The following SLC8A1 variants were observed in gnomAD, a reference collection of about 807,000 sequenced individuals.
SLC8A1 encodes solute carrier family 8 member A1, also known as sodium/calcium exchanger 1.
In SLC8A1, 18 loss-of-function variants were observed where a neutral mutation model predicts 68.3. The observed-to-expected ratio is 0.26, with a 90% CI of 0.18 to 0.39. The LOEUF (loss-of-function observed/expected upper bound fraction) is 0.39. SLC8A1 is among the 10% of genes least tolerant of loss of function. The pLI is 1.00. For missense variants in SLC8A1, 985 were observed against 1,156.7 expected, an observed-to-expected ratio of 0.85 and a Z score of 2.15; for synonymous variants, 475 against 415.5, an observed-to-expected ratio of 1.14 and a Z score of -1.74.
intron 2 of SLC8A1, among the ~76,000 whole-genome samples, chr2:40,258,099 C>T (rs1244601640): frequency 6.6e-6 from 1 of 152,050 alleles, no homozygotes; most frequent in Non-Finnish European, 1.5e-5. Flanking sequence ...TGTTATTATC[C>T]CCTGCACAGG....
rs535951270 is a variant in SLC8A1 at position 40,310,380 on chromosome 2, T to C, written c.1808+118093A>G. The stretch of plus-strand genomic sequence containing the variant: ...GCAAGAAACAGGTCATAATTGAGAA[T>C]TGAGGAAAGAAAGTGCAAGACAAAG... On this transcript the variant is annotated intron_variant, in intron 2 of 7. Transcript: ENST00000406785. Among the ~76,000 whole-genome samples the C allele has an allele frequency of 9.2e-5, 14 of 152,188 alleles. No homozygotes were observed. In the South Asian group the frequency reaches 2.1e-3, roughly 23 times the overall value.
At chr2:40,200,680 A>G (rs2054194432) in intron 2 of SLC8A1, among the ~76,000 whole-genome samples, 1 of 151,754 alleles carries the variant, frequency 6.6e-6, no homozygotes, top group Admixed American at 6.6e-5. Context: ...GGATTCTAAT[A>G]GTAAAAGGCC....
At chr2:40,261,836 T>G (rs746213233) in intron 2 of SLC8A1, among the ~76,000 whole-genome samples, 1 of 152,230 alleles carries the variant, frequency 6.6e-6, no homozygotes, top group Non-Finnish European at 1.5e-5. Flanking sequence ...GGGAAGGATT[T>G]TGGGTAAGAC....
intron 5 of SLC8A1, 120 bp downstream of exon 8, chr2:40,164,734 C>T: frequency 7.5e-7 from 1 of 1,336,024 alleles, no homozygotes; most frequent in Non-Finnish European, 1.0e-6. Context: ...ATTCACAAGC[C>T]AGTTCCTGAA....
At chr2:40,407,865 G>A (rs1690868992) in intron 2 of SLC8A1, among the ~76,000 whole-genome samples, 1 of 152,154 alleles carries the variant, frequency 6.6e-6, no homozygotes, top group African/African-American at 2.4e-5. Flanking sequence ...TCTTTACAAG[G>A]AGCCAGCCTC....
intron 2 of SLC8A1, among the ~76,000 whole-genome samples, chr2:40,406,999 C>T (rs995023841): frequency 6.6e-6 from 1 of 152,062 alleles, no homozygotes; most frequent in Admixed American, 6.6e-5. Context: ...GAGGACTAGG[C>T]TTACCAGGTT....
intron 7 of SLC8A1, chr2:40,118,386 C>T (rs935938537): frequency 1.3e-5 from 2 of 152,108 alleles, no homozygotes; most frequent in African/African-American, 4.8e-5. Flanking sequence ...TTTACTGTAT[C>T]AGGAGAACAA....
chr2:40,440,212 T>A (rs147362260), intron 1 of SLC8A1, among the ~76,000 whole-genome samples: 1 of 152,192 alleles, frequency 6.6e-6, no homozygotes, highest in African/African-American at 2.4e-5. Context: ...TTGGCTTAAG[T>A]GGTATGGTTT....
intron 2 of SLC8A1, among the ~76,000 whole-genome samples, chr2:40,414,024 A>G (rs993884452): frequency 3.3e-5 from 5 of 152,178 alleles, no homozygotes; most frequent in Non-Finnish European, 5.9e-5. Flanking sequence ...ATGTAAGAGA[A>G]TAACCTAACA....
chr2:40,310,597 T>C (rs1311519305), intron 2 of SLC8A1, among the ~76,000 whole-genome samples: 2 of 152,166 alleles, frequency 1.3e-5, no homozygotes, highest in African/African-American at 4.8e-5. Context: ...CACAGAAGCA[T>C]AGAATATTTG....
intron 3 of SLC8A1, among the ~76,000 whole-genome samples, chr2:40,175,506 A>ATGTGTG (rs3833566): frequency 1.3e-5 from 2 of 151,092 alleles, no homozygotes; most frequent in South Asian, 4.2e-4. Context: ...ACATACGTAT[A>ATGTGTG]TGTGTGTGTG....
chr2:40,333,819 C>T (rs982429840), intron 2 of SLC8A1, among the ~76,000 whole-genome samples: 6 of 152,076 alleles, frequency 3.9e-5, no homozygotes, highest in Admixed American at 1.3e-4. Flanking sequence ...GGAGCTAAGG[C>T]GGGTGGATCT....
At chr2:40,489,479 C>T (rs1705182500) in intron 1 of SLC8A1, among the ~76,000 whole-genome samples, 1 of 152,012 alleles carries the variant, frequency 6.6e-6, no homozygotes, top group Non-Finnish European at 1.5e-5. Context: ...GCCTTTTCAC[C>T]CACCGAAAAG....
At chr2:40,340,088 T>G (rs1420006032) in intron 2 of SLC8A1, among the ~76,000 whole-genome samples, 1 of 152,206 alleles carries the variant, frequency 6.6e-6, no homozygotes, top group African/African-American at 2.4e-5. Context: ...TCATTGTAGC[T>G]CATATCCTCA....
intron 2 of SLC8A1, among the ~76,000 whole-genome samples, chr2:40,232,742 C>T (rs1574429994): frequency 3.2e-5 from 2 of 62,556 alleles, no homozygotes; most frequent in East Asian, 2.3e-4. Context: ...CAGTGCTATC[C>T]CTCCCCCCCC....
At chr2:40,371,196 G>C (rs183666378) in intron 2 of SLC8A1, among the ~76,000 whole-genome samples, 37 of 152,216 alleles carry the variant, frequency 2.4e-4, no homozygotes, top group African/African-American at 8.4e-4. Flanking sequence ...GTGTTCACAG[G>C]AAAGTCTAGA....
At chr2:40,451,181 C>A (rs1702410226) in intron 1 of SLC8A1, among the ~76,000 whole-genome samples, 1 of 152,184 alleles carries the variant, frequency 6.6e-6, no homozygotes, top group Non-Finnish European at 1.5e-5. Flanking sequence ...CAAGAGCCAG[C>A]AAAGCTCCAG....
At chr2:40,261,407 A>G (rs1350365248) in intron 2 of SLC8A1, among the ~76,000 whole-genome samples, 5 of 152,238 alleles carry the variant, frequency 3.3e-5, no homozygotes, top group Non-Finnish European at 7.3e-5. Context: ...CCAATCTAAC[A>G]GAATTTATTA....
intron 2 of SLC8A1, among the ~76,000 whole-genome samples, chr2:40,217,235 T>C (rs989586382): frequency 3.5e-4 from 53 of 152,222 alleles, no homozygotes; most frequent in African/African-American, 1.3e-3. Context: ...CCACCATTTA[T>C]TGAATAGGAT....
Sources: allele counts gnomAD v4.1 joint callset (sites outside exome capture counted in the v4.1 genomes callset), GRCh38; gene constraint gnomAD v4.1.1; transcripts MANE v1.5; gene names NCBI Gene and HGNC (gene_info 2026-07-23, HGNC 2026-07-21).